Variants in PKHD1 observed in about 807,000 individuals in gnomAD.
PKHD1 encodes PKHD1 ciliary IPT domain containing fibrocystin/polyductin.
In PKHD1, 291 loss-of-function variants were observed where a neutral mutation model predicts 412.0. That is an observed-to-expected ratio of 0.71 (90% confidence interval 0.64 to 0.78). The LOEUF (loss-of-function observed/expected upper bound fraction) is 0.78, where lower values mean the gene tolerates loss of function less well. Ranked by LOEUF, PKHD1 falls within the 30% of genes least tolerant of loss-of-function variation. The pLI is 0.00. For missense variants in PKHD1, 4,825 were observed against 4,950.7 expected (o/e 0.97, Z 0.76); for synonymous variants, 1,777 against 1,821.5 (o/e 0.98, Z 0.62).
chr6:51,783,688 T>A (rs766969964), intron 53 of PKHD1, among the ~76,000 whole-genome samples: 66 of 152,140 alleles, frequency 4.3e-4, no homozygotes, highest in Non-Finnish European at 6.2e-4. Flanking sequence ...AGCTTTTATA[T>A]GTTTAAAAAA....
At chr6:52,007,628 T>C (rs1177884455) in intron 35 of PKHD1, among the ~76,000 whole-genome samples, 1 of 152,180 alleles carries the variant, frequency 6.6e-6, no homozygotes, top group Non-Finnish European at 1.5e-5. Context: ...ATTGTGAACC[T>C]TGCACTCTCA....
intron 33 of PKHD1, among the ~76,000 whole-genome samples, chr6:52,020,377 C>T (rs116243084): frequency 1.8e-3 from 276 of 152,248 alleles, no homozygotes; most frequent in African/African-American, 5.6e-3. Context: ...AGGCATCTTA[C>T]GATGCTACCC....
At chr6:51,950,038 C>T (rs557110564) in intron 36 of PKHD1, among the ~76,000 whole-genome samples, 31 of 151,600 alleles carry the variant, frequency 2.0e-4, no homozygotes, top group South Asian at 1.3e-3. Context: ...ATCACTTTAA[C>T]GGTATTTTAA....
intron 35 of PKHD1, among the ~76,000 whole-genome samples, chr6:51,981,019 A>C (rs973557564): frequency 1.1e-4 from 17 of 152,130 alleles, no homozygotes; most frequent in African/African-American, 3.6e-4. Flanking sequence ...CTGTTGGAGG[A>C]AAAAATAAAA....
At chr6:51,904,603 G>A (rs1208856322) in intron 41 of PKHD1, among the ~76,000 whole-genome samples, 1 of 152,130 alleles carries the variant, frequency 6.6e-6, no homozygotes, top group African/African-American at 2.4e-5. Flanking sequence ...ATGGGTCTGG[G>A]TTTGCATACT....
intron 53 of PKHD1, among the ~76,000 whole-genome samples, chr6:51,782,587 G>C (rs527260949): frequency 4.6e-5 from 7 of 152,236 alleles, no homozygotes; most frequent in African/African-American, 1.7e-4. Context: ...ACAACCGTTA[G>C]TTTGATTAGG....
At chr6:52,021,439 T>TA (rs1165669759) in intron 33 of PKHD1, among the ~76,000 whole-genome samples, 2 of 152,172 alleles carry the variant, frequency 1.3e-5, no homozygotes, top group Non-Finnish European at 2.9e-5. Context: ...AAAGCTTTTT[T>TA]AAAAAATGTA....
intron 52 of PKHD1, among the ~76,000 whole-genome samples, chr6:51,818,974 A>G (rs1246531738): frequency 1.3e-5 from 2 of 152,192 alleles, no homozygotes; most frequent in African/African-American, 2.4e-5. Flanking sequence ...CATAATAACA[A>G]TTTTTAATAA....
intron 35 of PKHD1, among the ~76,000 whole-genome samples, chr6:51,978,081 G>A (rs1794688534): frequency 1.3e-5 from 2 of 152,090 alleles, no homozygotes; most frequent in Admixed American, 1.3e-4. Context: ...CCATAAGAGA[G>A]AGCTGCACCT....
chr6:52,066,024 T>C lies in PKHD1; in HGVS notation c.832A>G (p.Thr278Ala). The C allele has an allele frequency of 6.2e-7, 1 of 1,605,148 alleles. No individual in the cohort carries two copies. The highest frequency in any genetic ancestry group is 8.5e-7 in the Non-Finnish European group (1 of 1,172,176). The change falls in exon 12 of 67, where the codon ACA becomes GCA. Residue 278 changes from threonine to alanine, a missense_variant. Physicochemically the swap from Thr to Ala is moderately conservative, Grantham distance 58. Transcript: ENST00000371117. ...TTGTCAAAAAAGTCTCCTGTAATTGTGATGTTTGTTCTTCCCCCAAGGCTC... is the reference window on the plus strand; with the variant it reads ...TTGTCAAAAAAGTCTCCTGTAATTGCGATGTTTGTTCTTCCCCCAAGGCTC... The part of the protein sequence containing the change: ...TGSLGGRTNI[T>A]ITGDFFDNSA...
intron 35 of PKHD1, among the ~76,000 whole-genome samples, chr6:52,008,066 C>T (rs1799318909): frequency 6.6e-6 from 1 of 152,200 alleles, no homozygotes; most frequent in Non-Finnish European, 1.5e-5. Context: ...TAACACATCA[C>T]ATCTGAAACC....
chr6:51,949,436 G>A (rs992275843), intron 36 of PKHD1, among the ~76,000 whole-genome samples: 5 of 152,088 alleles, frequency 3.3e-5, no homozygotes, highest in Admixed American at 6.6e-5. Context: ...TGCTCTGGGA[G>A]CAGGAGCCAG....
chr6:52,017,383 G>T, intron 34 of PKHD1, 27 bp downstream of exon 34: 1 of 1,499,144 alleles, frequency 6.7e-7, no homozygotes. Context: ...TTGTGGGGAA[G>T]TTCAGGGAGG....
At position 51,772,776 on chromosome 6, in the gene PKHD1, T is replaced by A. The variant is rs1257592689; in HGVS notation, c.8568A>T (p.Lys2856Asn). Residue 2856 changes from lysine (K) to asparagine (N), a missense_variant, in exon 55 of 67, where the codon AAA (lysine) becomes AAT (asparagine). Transcript: ENST00000371117. ...IDPGTIGVYG[K>N]VHLYSAYPKN... The stretch of plus-strand genomic sequence containing the variant: ...TAGGATAAGCACTGTAAAGATGAAC[T>A]TTCCCATAAACCCCTGAAAATAAAA... 6.3e-7 allele frequency: 1 copy of A among 1,581,158 alleles called. No homozygotes were observed. The highest frequency in any genetic ancestry group is 1.1e-5 in the South Asian group (1 of 90,474).
chr6:51,831,860 A>G (rs986521508), intron 51 of PKHD1, among the ~76,000 whole-genome samples: 44 of 152,140 alleles, frequency 2.9e-4, no homozygotes, highest in African/African-American at 9.7e-4. Context: ...ATAATTTCCA[A>G]TGGGGACTGT....
At chr6:51,883,622 T>C in intron 45 of PKHD1, among the ~76,000 whole-genome samples, 1 of 152,198 alleles carries the variant, frequency 6.6e-6, no homozygotes, top group East Asian at 1.9e-4. Flanking sequence ...AGATTGCAAA[T>C]ATGAAATAAG....
At chr6:52,006,499 C>T (rs1312966717) in intron 35 of PKHD1, among the ~76,000 whole-genome samples, 1 of 152,080 alleles carries the variant, frequency 6.6e-6, no homozygotes, top group African/African-American at 2.4e-5. Context: ...GTCTCAGCCT[C>T]CCAAGTAGCT....
At chr6:51,870,901 A>G (rs1404958594) in intron 46 of PKHD1, among the ~76,000 whole-genome samples, 1 of 152,104 alleles carries the variant, frequency 6.6e-6, no homozygotes, top group Non-Finnish European at 1.5e-5. Context: ...AAGAAAATAT[A>G]CAGATAGCAA....
At chr6:52,080,047 C>T in intron 4 of PKHD1, 39 bp from the exon 5 acceptor site, 1 of 1,233,430 alleles carries the variant, frequency 8.1e-7, no homozygotes. Context: ...AATCAAAAAC[C>T]ATGAATTCCC....
Sources: allele counts gnomAD v4.1 joint callset (sites outside exome capture counted in the v4.1 genomes callset), GRCh38; gene constraint gnomAD v4.1.1; transcripts MANE v1.5; gene names NCBI Gene and HGNC (gene_info 2026-07-23, HGNC 2026-07-21).